Variants in LRP1B observed in about 807,000 individuals in gnomAD.
LRP1B encodes LDL receptor related protein 1B.
In LRP1B, 217 loss-of-function variants were observed where a neutral mutation model predicts 556.6. The observed-to-expected ratio is 0.39, with a 90% CI of 0.35 to 0.44. The LOEUF is 0.44. LRP1B is among the 20% of genes least tolerant of loss of function. The pLI, the probability that LRP1B is intolerant of heterozygous loss-of-function variation, is 1.00. For synonymous variants in LRP1B, 2,047 were observed against 1,865.8 expected, an observed-to-expected ratio of 1.10 and a Z score of -2.50; for missense variants, 5,053 against 5,620.8, an observed-to-expected ratio of 0.90 and a Z score of 3.23.
intron 20 of LRP1B, among the ~76,000 whole-genome samples, chr2:140,939,898 T>TC (rs1454379399): frequency 6.6e-6 from 1 of 150,794 alleles, no homozygotes; most frequent in Non-Finnish European, 1.5e-5. Flanking sequence ...TTTTTTTTTT[T>TC]TTTTTGAGAC....
rs188011741 is a variant in LRP1B, at chr2:140,404,244, G to A, written c.10415-18235C>T. Among the ~76,000 whole-genome samples the A allele has an allele frequency of 5.3e-3, 734 of 138,270 alleles. 10 individuals carry two copies. Among genetic ancestry groups the A allele is most frequent in the African/African-American group, 0.019 (690 of 36,514 alleles). The allele number at this position is 138,270 out of a possible 152,430, so 90.7% of individuals were successfully genotyped here. ...GGCTGGAGTGCAGTGGCGCTATCTCGGCTCGCTGCAATCTTTGCCTCCTGG... is the reference window on the plus strand; with the variant it reads ...GGCTGGAGTGCAGTGGCGCTATCTCAGCTCGCTGCAATCTTTGCCTCCTGG... On this transcript the variant is annotated intron_variant, in intron 66 of 90. Transcript: ENST00000389484.
At chr2:140,879,950 TAA>T (rs34768520) in intron 25 of LRP1B, among the ~76,000 whole-genome samples, 28 of 138,584 alleles carry the variant, frequency 2.0e-4, no homozygotes, top group South Asian at 9.3e-4. Context: ...TGATCCTGGT[TAA>T]AAAAAAAAAA....
chr2:140,398,710 G>T (rs1320567930), intron 66 of LRP1B, among the ~76,000 whole-genome samples: 1 of 152,120 alleles, frequency 6.6e-6, no homozygotes, highest in Admixed American at 6.6e-5. Flanking sequence ...GAATTCTTAT[G>T]TAATTATATT....
intron 7 of LRP1B, among the ~76,000 whole-genome samples, chr2:141,091,179 A>G (rs1700162696): frequency 6.6e-6 from 1 of 152,118 alleles, no homozygotes; most frequent in African/African-American, 2.4e-5. Flanking sequence ...AGAGAGAGAG[A>G]GAGAGCAAAG....
At chr2:140,522,687 A>G (rs1330813320) in intron 49 of LRP1B, among the ~76,000 whole-genome samples, 1 of 151,872 alleles carries the variant, frequency 6.6e-6, no homozygotes, top group African/African-American at 2.4e-5. Context: ...ACAAAAAAAA[A>G]AGAGATAAGT....
Position 141,864,305 on chromosome 2 carries a change from A to G in LRP1B, c.83-53904T>C, listed in dbSNP as rs72994948. Among the ~76,000 whole-genome samples, 1,026 of 152,334 alleles carry G rather than the reference A, an allele frequency of 6.7e-3. 17 individuals are homozygous for G. The highest frequency in any genetic ancestry group is 0.023 in the African/African-American group (944 of 41,578). ...AAAAGTTCATGCAACAATGGAAACT[A>G]CTTTTAATTTCCTTGGATTAGAAAT... On this transcript the variant is annotated intron_variant, in intron 1 of 90. Coordinates refer to ENST00000389484, the MANE Select transcript of LRP1B (RefSeq NM_018557.3).
Position 141,735,407 on chromosome 2 carries a change from G to A in LRP1B, c.205+74872C>T, listed in dbSNP as rs573067166. On this transcript the variant is annotated intron_variant, in intron 2 of 90. Transcript: ENST00000389484. ...AAGGAAAGCCCGGGTAAGAGATTAC[G>A]AAGAGTTTTGTCAACAGGATTCACA... Among the ~76,000 whole-genome samples, 8 of 149,504 alleles carry A rather than the reference G, an allele frequency of 5.4e-5. No homozygotes were observed. The South Asian group carries it at 6.3e-4, about 12-fold the overall frequency.
intron 2 of LRP1B, among the ~76,000 whole-genome samples, chr2:141,553,872 ATAATATAGTTATATAATATATCTATAT>A (rs746948208): frequency 0.095 from 12,800 of 135,360 alleles, 828 homozygotes; most frequent in South Asian, 0.14. Context: ...TATATCTATA[ATAATATAGTTATATAATATATCTATAT>A]TAATATAGTT....
At chr2:142,105,687 A>G (rs1403036750) in intron 1 of LRP1B, among the ~76,000 whole-genome samples, 4 of 152,202 alleles carry the variant, frequency 2.6e-5, no homozygotes, top group Non-Finnish European at 4.4e-5. Flanking sequence ...AAAACAAACC[A>G]AAACTCTGTT....
chr2:141,015,157 A>G (rs531563437), intron 13 of LRP1B, among the ~76,000 whole-genome samples: 2 of 152,002 alleles, frequency 1.3e-5, no homozygotes, highest in Non-Finnish European at 2.9e-5. Flanking sequence ...ATCATCCTCA[A>G]TTTTACCTAA....
chr2:141,240,089 C>T (rs964850825), intron 5 of LRP1B, among the ~76,000 whole-genome samples: 3 of 152,002 alleles, frequency 2.0e-5, no homozygotes, highest in South Asian at 2.1e-4. Flanking sequence ...TCGACAGAGG[C>T]TGTGTGAGTC....
intron 68 of LRP1B, among the ~76,000 whole-genome samples, 189 bp downstream of exon 68, chr2:140,377,991 A>G (rs562459743): frequency 1.3e-5 from 2 of 152,212 alleles, no homozygotes; most frequent in African/African-American, 4.8e-5. Context: ...TTAACTGTCA[A>G]TAGCAGCACA....
At chr2:140,625,403 G>A (rs1223696809) in intron 41 of LRP1B, among the ~76,000 whole-genome samples, 1 of 152,082 alleles carries the variant, frequency 6.6e-6, no homozygotes, top group Non-Finnish European at 1.5e-5. Context: ...AAACTTAAAA[G>A]CCTGTTCTGC....
intron 2 of LRP1B, among the ~76,000 whole-genome samples, chr2:141,528,309 C>T (rs1206932215): frequency 2.0e-5 from 3 of 151,688 alleles, no homozygotes; most frequent in Non-Finnish European, 2.9e-5. Context: ...ATTCCTGATA[C>T]GGTAACTGGT....
rs1691604194 is a variant in LRP1B at position 141,693,037 on chromosome 2, C to T, written c.205+117242G>A. ...AAGAGGGTGCTAGAAGAGCACTTAA[C>T]CAAGTAAAGAGCTCTTCTAAGTACA... On this transcript the variant is annotated intron_variant, in intron 2 of 90. Transcript: ENST00000389484. 3.3e-5 allele frequency among the ~76,000 whole-genome samples: 5 copies of T among 152,044 alleles called. No individual in the cohort carries two copies. In the South Asian group the frequency reaches 1.0e-3, roughly 32 times the overall value.
At chr2:140,803,137 C>G (rs1324428594) in intron 32 of LRP1B, among the ~76,000 whole-genome samples, 1 of 152,000 alleles carries the variant, frequency 6.6e-6, no homozygotes, top group Non-Finnish European at 1.5e-5. Context: ...ATGTATCAAT[C>G]TGTTTTCCCC....
chr2:140,476,716 T>C (rs1687990085), intron 59 of LRP1B, among the ~76,000 whole-genome samples: 1 of 151,982 alleles, frequency 6.6e-6, no homozygotes, highest in East Asian at 1.9e-4. Context: ...TAATGAAGTA[T>C]GGTGCTTAAA....
chr2:141,963,556 A>C (rs1361083871), intron 1 of LRP1B, among the ~76,000 whole-genome samples: 11 of 151,822 alleles, frequency 7.2e-5, no homozygotes, highest in Non-Finnish European at 2.9e-5. Context: ...CTTCATGCTA[A>C]AAACTCTCAA....
At chr2:141,739,278 TACTC>T (rs1693608405) in intron 2 of LRP1B, among the ~76,000 whole-genome samples, 1 of 152,142 alleles carries the variant, frequency 6.6e-6, no homozygotes, top group Non-Finnish European at 1.5e-5. Flanking sequence ...GTACAGTGCT[TACTC>T]TACTTTGCTA....
Sources: allele counts gnomAD v4.1 joint callset (sites outside exome capture counted in the v4.1 genomes callset), GRCh38; gene constraint gnomAD v4.1.1; transcripts MANE v1.5; gene names NCBI Gene and HGNC (gene_info 2026-07-23, HGNC 2026-07-21).